The following DENND5B variants were observed in gnomAD, a reference collection of about 807,000 sequenced individuals.
DENND5B encodes the protein DENN domain-containing protein 5B.
Under a neutral mutation model 140.6 loss-of-function variants are expected in DENND5B, and 34 were observed. The ratio of observed to expected loss-of-function variants is 0.24; its 90% CI spans 0.18 to 0.32. The LOEUF (loss-of-function observed/expected upper bound fraction) is 0.32. Among genes scored for constraint, DENND5B ranks in the 10% least tolerant of loss-of-function variants. The pLI, the probability that DENND5B is intolerant of heterozygous loss-of-function variation, is 1.00. For missense variants in DENND5B, 1,142 were observed against 1,560.2 expected, an observed-to-expected ratio of 0.73 and a Z score of 4.52; for synonymous variants, 551 against 562.1, an observed-to-expected ratio of 0.98 and a Z score of 0.28.
At chr12:31,523,041 A>C (rs1023130532) in intron 1 of DENND5B, among the ~76,000 whole-genome samples, 2 of 151,438 alleles carry the variant, frequency 1.3e-5, no homozygotes, top group Non-Finnish European at 2.9e-5. Context: ...AAGGTGAGAT[A>C]AATGTGCCTT....
chr12:31,493,570 C>T (rs1489498182), intron 2 of DENND5B, among the ~76,000 whole-genome samples: 1 of 151,950 alleles, frequency 6.6e-6, no homozygotes, highest in Non-Finnish European at 1.5e-5. Flanking sequence ...GGGATGTGCT[C>T]ATAATACCAG....
chr12:31,396,053 C>CCTG (rs1399702795), intron 17 of DENND5B, among the ~76,000 whole-genome samples: 15,697 of 101,306 alleles, frequency 0.15, 1,735 homozygotes, highest in Non-Finnish European at 0.22. Flanking sequence ...GTTGGCATTC[C>CCTG]TTGTTTTTTT....
chr12:31,391,973 T>C (rs755404627), intron 19 of DENND5B, among the ~76,000 whole-genome samples: 2 of 151,932 alleles, frequency 1.3e-5, no homozygotes, highest in Admixed American at 6.6e-5. Context: ...ACCCCTTCTC[T>C]ATTAAAAATA....
intron 2 of DENND5B, among the ~76,000 whole-genome samples, chr12:31,490,613 G>GA (rs10661199): frequency 0.53 from 77,984 of 148,220 alleles, 20,788 homozygotes; most frequent in East Asian, 0.82. Context: ...CCTGTCTCAA[G>GA]AAAAAAAAAA....
At chr12:31,556,169 G>A (rs1949274324) in intron 1 of DENND5B, among the ~76,000 whole-genome samples, 3 of 152,124 alleles carry the variant, frequency 2.0e-5, no homozygotes, top group Admixed American at 6.5e-5. Flanking sequence ...GCTGTAGACT[G>A]GAGCTGTTCC....
chr12:31,540,455 AC>A (rs1948647610), intron 1 of DENND5B, among the ~76,000 whole-genome samples: 1 of 152,192 alleles, frequency 6.6e-6, no homozygotes, highest in East Asian at 1.9e-4. Flanking sequence ...AGAGTTCCAG[AC>A]CAGCCTGGCC....
intron 1 of DENND5B, among the ~76,000 whole-genome samples, chr12:31,550,694 G>A (rs1949021972): frequency 6.6e-6 from 1 of 152,168 alleles, no homozygotes; most frequent in Non-Finnish European, 1.5e-5. Flanking sequence ...GTGTAAAAGT[G>A]TTCCTATTTC....
intron 9 of DENND5B, among the ~76,000 whole-genome samples, chr12:31,425,143 T>C (rs1437548060): frequency 6.6e-6 from 1 of 152,076 alleles, no homozygotes; most frequent in East Asian, 1.9e-4. Context: ...TGAAACCCTG[T>C]CTCCACTAAA....
chr12:31,532,550 T>C (rs1948324131), intron 1 of DENND5B, among the ~76,000 whole-genome samples: 1 of 152,080 alleles, frequency 6.6e-6, no homozygotes, highest in Non-Finnish European at 1.5e-5. Context: ...ATGGTCAGGA[T>C]AGACCTGTGA....
At chr12:31,413,335 A>G in intron 13 of DENND5B, 101 bp downstream of exon 13, 1 of 1,411,672 alleles carries the variant, frequency 7.1e-7, no homozygotes, top group Non-Finnish European at 9.7e-7. Context: ...TGCACAGGAT[A>G]CAGCACTTCA....
rs1180414842 is a variant in DENND5B, at chr12:31,584,500, T to C, written c.127+6206A>G. The stretch of plus-strand genomic sequence containing the variant: ...TTCGTGTTGCTATAAAGAAAATACC[T>C]GAGGCTGGGTAGTCTATAAAGAAAT... On this transcript the variant is annotated intron_variant, in intron 1 of 20. Transcript: ENST00000389082. Among the ~76,000 whole-genome samples the C allele has an allele frequency of 4.6e-5, 7 of 152,332 alleles. No homozygotes were observed. In the East Asian group the frequency reaches 1.2e-3, roughly 25 times the overall value.
intron 15 of DENND5B, among the ~76,000 whole-genome samples, chr12:31,400,850 G>GT (rs35592936): frequency 0.91 from 129,270 of 142,822 alleles, 58,973 homozygotes; most frequent in East Asian, 0.99. Flanking sequence ...TTTTTTTTTT[G>GT]TTTTTTTTTT....
intron 7 of DENND5B, among the ~76,000 whole-genome samples, chr12:31,435,852 G>T (rs956597300): frequency 6.6e-6 from 1 of 151,962 alleles, no homozygotes; most frequent in African/African-American, 2.4e-5. Flanking sequence ...GTAGAGATGG[G>T]GTTTCACCAT....
chr12:31,441,139 T>C (rs1397184125), intron 7 of DENND5B, among the ~76,000 whole-genome samples: 1 of 152,050 alleles, frequency 6.6e-6, no homozygotes, highest in African/African-American at 2.4e-5. Context: ...GCCCAGAAGT[T>C]CAACACCAGC....
intron 3 of DENND5B, among the ~76,000 whole-genome samples, chr12:31,470,111 C>CCTT (rs1945476979): frequency 9.4e-6 from 1 of 105,942 alleles, no homozygotes; most frequent in African/African-American, 3.8e-5. Context: ...CCATGTCTGG[C>CCTT]TTTTTTTTTT....
chr12:31,445,567 T>C (rs1944238489), intron 6 of DENND5B, among the ~76,000 whole-genome samples: 1 of 151,994 alleles, frequency 6.6e-6, no homozygotes, highest in Admixed American at 6.6e-5. Context: ...TAGCCAGGCA[T>C]GGTGGCATGC....
chr12:31,476,483 GA>G (rs35480701), intron 3 of DENND5B, among the ~76,000 whole-genome samples: 73 of 141,590 alleles, frequency 5.2e-4, no homozygotes, highest in Middle Eastern at 3.7e-3. Flanking sequence ...TGAGAAAGGA[GA>G]AAAAAAAAAA....
At chr12:31,439,268 A>T (rs979771118) in intron 7 of DENND5B, among the ~76,000 whole-genome samples, 5 of 152,334 alleles carry the variant, frequency 3.3e-5, no homozygotes, top group Admixed American at 2.0e-4. Context: ...TTGTTCTGAG[A>T]TCTTTTCTCT....
chr12:31,535,425 C>A (rs1948455209), intron 1 of DENND5B, among the ~76,000 whole-genome samples: 1 of 151,988 alleles, frequency 6.6e-6, no homozygotes, highest in South Asian at 2.1e-4. Flanking sequence ...CACACACACA[C>A]ACATATATAC....
Sources: gnomAD v4.1 joint callset for allele counts (sites outside exome capture counted in the v4.1 genomes callset) on GRCh38, gnomAD v4.1.1 for gene constraint, MANE v1.5 for transcripts, NCBI Gene and HGNC (gene_info 2026-07-23, HGNC 2026-07-21) for gene names.